The following SH3RF3 variants were observed in gnomAD, a reference collection of about 807,000 sequenced individuals.
SH3RF3 encodes the protein SH3 domain containing ring finger 3, also known as E3 ubiquitin-protein ligase SH3RF3.
A neutral mutation model predicts 66.3 loss-of-function variants in SH3RF3; 29 were observed. The ratio of observed to expected loss-of-function variants is 0.44; its 90% CI spans 0.33 to 0.60. SH3RF3 has a LOEUF of 0.60. Ranked by LOEUF, SH3RF3 falls within the 20% of genes least tolerant of loss-of-function variation. SH3RF3 has a pLI of 0.04. For synonymous variants in SH3RF3, 583 were observed against 532.0 expected (o/e 1.10, Z -1.32); for missense variants, 1,194 against 1,190.9 (o/e 1.00, Z -0.04).
intron 1 of SH3RF3, among the ~76,000 whole-genome samples, chr2:109,336,695 C>T (rs1471382798): frequency 6.6e-6 from 1 of 152,222 alleles, no homozygotes; most frequent in Admixed American, 6.5e-5. Flanking sequence ...ATGAAGTTTA[C>T]CTTAAGTCTG....
At chr2:109,398,303 A>G (rs532789717) in intron 3 of SH3RF3, among the ~76,000 whole-genome samples, 1 of 152,302 alleles carries the variant, frequency 6.6e-6, no homozygotes, top group East Asian at 1.9e-4. Context: ...AGAAATGGCC[A>G]GCAGTTGAAA....
chr2:109,431,688 A>G (rs533067534), intron 5 of SH3RF3, among the ~76,000 whole-genome samples: 171 of 152,332 alleles, frequency 1.1e-3, no homozygotes, highest in African/African-American at 4.0e-3. Flanking sequence ...TCTGGGCAAC[A>G]TAGTGGGACC....
chr2:109,236,594 G>T (rs759036919), intron 1 of SH3RF3, among the ~76,000 whole-genome samples: 1 of 152,162 alleles, frequency 6.6e-6, no homozygotes, highest in African/African-American at 2.4e-5. Flanking sequence ...GCTTTATTTT[G>T]TTGAGAAACA....
intron 1 of SH3RF3, among the ~76,000 whole-genome samples, chr2:109,180,467 A>G (rs928622693): frequency 5.3e-5 from 8 of 152,178 alleles, no homozygotes; most frequent in Middle Eastern, 6.8e-3. Flanking sequence ...GCCCAGTGAT[A>G]TGGTTTGGCT....
At chr2:109,497,431 A>G (rs1200212661) in intron 9 of SH3RF3, among the ~76,000 whole-genome samples, 1 of 152,356 alleles carries the variant, frequency 6.6e-6, no homozygotes, top group Non-Finnish European at 1.5e-5. Context: ...GCTAATGGTA[A>G]TAATAATGGA....
intron 1 of SH3RF3, among the ~76,000 whole-genome samples, chr2:109,140,798 ATCTCC>A (rs1676929519): frequency 6.6e-6 from 1 of 152,220 alleles, no homozygotes; most frequent in African/African-American, 2.4e-5. Context: ...TAAAGGTAAC[ATCTCC>A]TCTGTGTCCC....
At chr2:109,227,626 C>G (rs769677368) in intron 1 of SH3RF3, among the ~76,000 whole-genome samples, 1 of 152,212 alleles carries the variant, frequency 6.6e-6, no homozygotes, top group Non-Finnish European at 1.5e-5. Context: ...TGGATCTGGC[C>G]TGGCCATGCC....
At chr2:109,372,526 T>G (rs745970440) in intron 3 of SH3RF3, among the ~76,000 whole-genome samples, 2 of 152,246 alleles carry the variant, frequency 1.3e-5, no homozygotes, top group Non-Finnish European at 2.9e-5. Context: ...TACCTGCTCA[T>G]TTAATCTTCT....
At chr2:109,174,467 C>A (rs1164993053) in intron 1 of SH3RF3, among the ~76,000 whole-genome samples, 1 of 152,192 alleles carries the variant, frequency 6.6e-6, no homozygotes, top group Non-Finnish European at 1.5e-5. Flanking sequence ...TCAGAGTAGG[C>A]ACCAGGCCAC....
intron 8 of SH3RF3, among the ~76,000 whole-genome samples, chr2:109,473,314 C>T (rs1459607726): frequency 6.6e-6 from 1 of 152,198 alleles, no homozygotes; most frequent in Non-Finnish European, 1.5e-5. Flanking sequence ...TGGCCATGGG[C>T]AGCTGTGCCT....
chr2:109,256,889 T>C (rs1163341598), intron 1 of SH3RF3, among the ~76,000 whole-genome samples: 1 of 152,196 alleles, frequency 6.6e-6, no homozygotes, highest in Non-Finnish European at 1.5e-5. Flanking sequence ...CTCTACCTAA[T>C]TGAATGGCAT....
chr2:109,176,373 G>T (rs961180476), intron 1 of SH3RF3, among the ~76,000 whole-genome samples: 3 of 151,834 alleles, frequency 2.0e-5, no homozygotes, highest in Admixed American at 6.5e-5. Flanking sequence ...TACTCTGAGA[G>T]AACACCATGT....
At chr2:109,355,747 G>A (rs73955555) in intron 2 of SH3RF3, among the ~76,000 whole-genome samples, 7 of 152,178 alleles carry the variant, frequency 4.6e-5, no homozygotes, top group African/African-American at 1.2e-4. Flanking sequence ...AACTTAACAC[G>A]CAGGTCCATG....
At chr2:109,395,856 C>T (rs1415098264) in intron 3 of SH3RF3, among the ~76,000 whole-genome samples, 1 of 152,220 alleles carries the variant, frequency 6.6e-6, no homozygotes, top group Non-Finnish European at 1.5e-5. Context: ...ATACAACAAC[C>T]TGTTGGTGCC....
intron 1 of SH3RF3, among the ~76,000 whole-genome samples, chr2:109,229,551 T>C (rs1231952163): frequency 6.6e-6 from 1 of 152,068 alleles, no homozygotes; most frequent in Non-Finnish European, 1.5e-5. Context: ...GGATTTGGGA[T>C]GTGGGCTCTG....
chr2:109,186,349 C>T (rs960789083), intron 1 of SH3RF3, among the ~76,000 whole-genome samples: 1 of 152,228 alleles, frequency 6.6e-6, no homozygotes, highest in Non-Finnish European at 1.5e-5. Flanking sequence ...AATGCTGAGG[C>T]ACGGAGAAGT....
intron 1 of SH3RF3, among the ~76,000 whole-genome samples, chr2:109,166,459 G>GAAAAA (rs386390872): frequency 5.2e-5 from 7 of 134,280 alleles, no homozygotes; most frequent in Admixed American, 7.6e-5. Context: ...CCTGGTGACA[G>GAAAAA]AAAAAAAAAA....
intron 1 of SH3RF3, chr2:109,251,766 G>T: frequency 1.8e-6 from 1 of 550,228 alleles, no homozygotes; most frequent in Non-Finnish European, 3.2e-6. Context: ...ATAAACTTTT[G>T]TAATAGTCAA....
intron 1 of SH3RF3, among the ~76,000 whole-genome samples, chr2:109,223,966 C>T (rs1223131199): frequency 6.6e-6 from 1 of 152,184 alleles, no homozygotes; most frequent in Non-Finnish European, 1.5e-5. Context: ...TGTGCCACTG[C>T]ACTCCAGCCT....
Sources: gnomAD v4.1 joint callset for allele counts (sites outside exome capture counted in the v4.1 genomes callset) on GRCh38, gnomAD v4.1.1 for gene constraint, MANE v1.5 for transcripts, NCBI Gene and HGNC (gene_info 2026-07-23, HGNC 2026-07-21) for gene names.